ZFAT: variants seen among roughly 807,000 people sequenced by gnomAD.
ZFAT encodes zinc finger protein ZFAT.
In ZFAT, 64 loss-of-function variants were observed where a neutral mutation model predicts 117.7. That is an observed-to-expected ratio of 0.54 (90% CI 0.44 to 0.67). The LOEUF (loss-of-function observed/expected upper bound fraction) is 0.67. ZFAT is among the 30% of genes least tolerant of loss of function. The probability of loss-of-function intolerance (pLI) is 0.00; values close to 1 mark genes in which losing one functional copy is unlikely to be tolerated. For missense variants in ZFAT, 1,433 were observed against 1,584.5 expected (o/e 0.90, Z 1.62); for synonymous variants, 679 against 615.0 (o/e 1.10, Z -1.54).
chr8:134,553,365 C>T (rs1254605586), intron 11 of ZFAT, among the ~76,000 whole-genome samples: 2 of 152,130 alleles, frequency 1.3e-5, no homozygotes, highest in African/African-American at 2.4e-5. Context: ...TAGCCGGGCG[C>T]GGTGGCAGGC....
At chr8:134,684,497 AG>A (rs1833223518) in intron 1 of ZFAT, among the ~76,000 whole-genome samples, 1 of 152,136 alleles carries the variant, frequency 6.6e-6, no homozygotes, top group Non-Finnish European at 1.5e-5. Context: ...TTCAAGACCG[AG>A]ATCAAGGCCA....
the ZFAT span, among the ~76,000 whole-genome samples, chr8:134,743,990 T>G: frequency 6.6e-6 from 1 of 152,232 alleles, no homozygotes; most frequent in East Asian, 1.9e-4. Context: ...GCTCCTCCGT[T>G]TGTTTTCTAT....
intron 3 of ZFAT, among the ~76,000 whole-genome samples, chr8:134,623,040 T>C (rs9886526): frequency 0.065 from 9,849 of 152,172 alleles, 1,092 homozygotes; most frequent in African/African-American, 0.22. Flanking sequence ...CTCCTGTTGG[T>C]ACCCTGATGG....
At chr8:134,499,046 G>A (rs1818725008) in intron 15 of ZFAT, among the ~76,000 whole-genome samples, 1 of 10,666 alleles carries the variant, frequency 9.4e-5, no homozygotes, top group East Asian at 4.2e-3. Flanking sequence ...GAGCTGGGAT[G>A]CCCCCGTTGC....
the ZFAT span, among the ~76,000 whole-genome samples, chr8:134,762,148 G>A: frequency 5.3e-4 from 81 of 152,266 alleles, no homozygotes; most frequent in Non-Finnish European, 9.3e-4. Flanking sequence ...CATCAAGTAG[G>A]TTGAGACATA....
chr8:134,724,678 T>G, the ZFAT span, among the ~76,000 whole-genome samples: 1 of 152,100 alleles, frequency 6.6e-6, no homozygotes, highest in Non-Finnish European at 1.5e-5. Flanking sequence ...AGAACCTCTT[T>G]AGCCTGCCCT....
chr8:134,717,490 T>TTTTTTTTTTTTG (rs1814225296), upstream of ZFAT, among the ~76,000 whole-genome samples: 2 of 97,702 alleles, frequency 2.0e-5, 1 homozygote, highest in Non-Finnish European at 4.0e-5. Context: ...TTTTTTTTTT[T>TTTTTTTTTTTTG]TTTTTTTTTT....
chr8:134,647,022 G>A (rs1830935567), intron 2 of ZFAT, among the ~76,000 whole-genome samples: 1 of 152,026 alleles, frequency 6.6e-6, no homozygotes. Context: ...AATTAAAGAG[G>A]AGGGAATACC....
chr8:134,673,914 A>G (rs868217496), intron 1 of ZFAT, among the ~76,000 whole-genome samples: 2 of 152,204 alleles, frequency 1.3e-5, no homozygotes, highest in African/African-American at 4.8e-5. Context: ...AGAGTTCGAG[A>G]CCAGCCTGGC....
rs1335405037 is a variant in ZFAT, at chr8:134,601,630, G to A, written c.2089C>T (p.His697Tyr). 6.2e-7 allele frequency: 1 copy of A among 1,614,258 alleles called. No individual in the cohort carries two copies. Among genetic ancestry groups the A allele is most frequent in the Non-Finnish European group, 8.5e-7 (1 of 1,180,044 alleles). The change falls in exon 6 of 16, where the codon CAT becomes TAT. Residue 697 changes from histidine to tyrosine, a missense_variant. His to Tyr is a moderately conservative substitution (Grantham distance 83). This residue lies in a region of ZFAT where 372 missense variants were observed against 355.6 expected (regional missense o/e 1.05). Coordinates refer to ENST00000377838, the MANE Select transcript of ZFAT (RefSeq NM_020863.4). Reference protein sequence around the residue: ...PVAGGGDTITHQPDSCKAAPE... With the variant: ...PVAGGGDTITYQPDSCKAAPE... ...GCAGCTTTGCAAGAGTCAGGCTGAT[G>A]TGTGATGGTGTCCCCACCACCAGCT...
chr8:134,563,773 C>T (rs1242232465), intron 11 of ZFAT, among the ~76,000 whole-genome samples: 1 of 152,186 alleles, frequency 6.6e-6, no homozygotes, highest in Non-Finnish European at 1.5e-5. Context: ...GTTCAATAAA[C>T]ACAAGCTAGC....
rs1276236978 is a variant in ZFAT, at chr8:134,602,379, A to T, written c.1340T>A (p.Leu447Gln). 6.2e-7 allele frequency: 1 copy of T among 1,613,860 alleles called. No individual in the cohort carries two copies. The highest frequency in any genetic ancestry group is 1.1e-5 in the South Asian group (1 of 91,086). ...GGGGTGCTTCCTGACATGCAGTTCCAGCGCCTGGTACTTGGTGGCCCCATG... is the reference window on the plus strand; with the variant it reads ...GGGGTGCTTCCTGACATGCAGTTCCTGCGCCTGGTACTTGGTGGCCCCATG... ...CGHGATKYQALELHVRKHPFV... is the reference protein window; with the variant it reads ...CGHGATKYQAQELHVRKHPFV... Residue 447 changes from leucine (L) to glutamine (Q), a missense_variant, in exon 6 of 16, where the codon CTG becomes CAG. Around this residue, in one of 5 missense-constraint regions of ZFAT, gnomAD observed 73 missense variants for 122.0 expected, o/e 0.60. Transcript: ENST00000377838.
At chr8:134,486,765 C>T (rs928723031) in intron 15 of ZFAT, among the ~76,000 whole-genome samples, 1 of 152,140 alleles carries the variant, frequency 6.6e-6, no homozygotes, top group South Asian at 2.1e-4. Flanking sequence ...GTAGTGAGCA[C>T]CACGATGAGC....
the ZFAT span, among the ~76,000 whole-genome samples, chr8:134,818,394 G>T: frequency 6.6e-6 from 1 of 152,138 alleles, no homozygotes; most frequent in East Asian, 1.9e-4. Context: ...GCAGTCATTA[G>T]AGAAATGCAA....
the ZFAT span, among the ~76,000 whole-genome samples, chr8:134,734,823 C>T: frequency 3.3e-5 from 5 of 152,176 alleles, no homozygotes; most frequent in South Asian, 4.1e-4. Flanking sequence ...TGAGAAAGAG[C>T]GAGCTGGTGC....
intron 15 of ZFAT, among the ~76,000 whole-genome samples, chr8:134,506,711 TA>T (rs1819440019): frequency 6.6e-6 from 1 of 152,216 alleles, no homozygotes; most frequent in Non-Finnish European, 1.5e-5. Flanking sequence ...AAATTGTAAA[TA>T]GAGTATATAT....
intron 1 of ZFAT, among the ~76,000 whole-genome samples, chr8:134,667,667 C>G (rs992851305): frequency 1.3e-5 from 2 of 151,456 alleles, no homozygotes; most frequent in South Asian, 4.2e-4. Context: ...CTCCAGTCTA[C>G]AGCTCCCAGC....
chr8:134,518,395 A>G (rs1295467364), intron 13 of ZFAT, among the ~76,000 whole-genome samples: 11 of 152,226 alleles, frequency 7.2e-5, no homozygotes, highest in Non-Finnish European at 1.3e-4. Context: ...CCCACCAGCA[A>G]CGTATGAGAG....
the ZFAT span, among the ~76,000 whole-genome samples, chr8:134,808,262 A>C: frequency 6.6e-6 from 1 of 152,220 alleles, no homozygotes; most frequent in African/African-American, 2.4e-5. Flanking sequence ...CAAGGAGTCC[A>C]AGGAGGGCCT....
Sources: gnomAD v4.1 joint callset for allele counts (sites outside exome capture counted in the v4.1 genomes callset) on GRCh38, gnomAD v4.1.1 for gene constraint, gnomAD v4.1.1 regional missense constraint, MANE v1.5 for transcripts, NCBI Gene and HGNC (gene_info 2026-07-23, HGNC 2026-07-21) for gene names.